CCDC24: variants seen among roughly 807,000 people sequenced by gnomAD.
CCDC24 encodes coiled-coil domain containing 24.
A neutral mutation model predicts 31.6 loss-of-function variants in CCDC24; 34 were observed. The ratio of observed to expected loss-of-function variants is 1.08; its 90% CI spans 0.82 to 1.43. CCDC24 has a LOEUF of 1.43. Among genes scored for constraint, CCDC24 ranks in the 40% most tolerant of loss-of-function variants. CCDC24 has a pLI of 0.00. For synonymous variants in CCDC24, 175 were observed against 157.3 expected (o/e 1.11, Z -0.84); for missense variants, 426 against 391.1 (o/e 1.09, Z -0.75).
Position 43,991,656 on chromosome 1 carries a change from A to G in CCDC24, c.-123A>G, listed in dbSNP as rs1208788268. 10 of 718,024 alleles carry G rather than the reference A, an allele frequency of 1.4e-5. No individual in the cohort carries two copies. The highest frequency in any genetic ancestry group is 2.0e-5 in the Admixed American group (1 of 50,002). 44.5% of individuals were successfully genotyped at this position (718,024 alleles called of 1,614,324 possible). On this transcript the variant is annotated 5_prime_UTR_variant, in exon 1 of 9. Coordinates refer to ENST00000372318, the MANE Select transcript of CCDC24 (RefSeq NM_152499.4). Reference sequence around the variant, plus strand: ...CTGGTTTCTGGGCCCCCGGCATCCGAGTCGGCCAAAAGCCGGGCAGAAGAG... The same window carrying G: ...CTGGTTTCTGGGCCCCCGGCATCCGGGTCGGCCAAAAGCCGGGCAGAAGAG...
At chr1:43,994,147 C>A in intron 5 of CCDC24, 183 bp downstream of exon 5, 1 of 605,026 alleles carries the variant, frequency 1.7e-6, no homozygotes, top group East Asian at 2.8e-5. Context: ...CAGGAAGCAG[C>A]CAAGTACAGA....
Position 43,991,971 on chromosome 1 carries a change from G to A in CCDC24, c.93G>A (p.Ala31=), listed in dbSNP as rs1353790596. The change falls in exon 2 of 9, where the codon GCG becomes GCA. Residue 31 remains alanine (A), a synonymous_variant. Coordinates refer to ENST00000372318, the MANE Select transcript of CCDC24 (RefSeq NM_152499.4). ...AAGTGAAGAGGATTCTGGGGGAGGCGGCGGTGGACCTGAGCCTGGAGCTGC... is the reference window on the plus strand; with the variant it reads ...AAGTGAAGAGGATTCTGGGGGAGGCAGCGGTGGACCTGAGCCTGGAGCTGC... ...RREVKRILGE[A]AVDLSLELRA... 3 of 1,525,744 alleles carry A rather than the reference G, an allele frequency of 2.0e-6. No homozygotes were observed. The highest frequency in any genetic ancestry group is 4.0e-5 in the Admixed American group (2 of 49,646). 94.5% of individuals were successfully genotyped at this position (1,525,744 alleles called of 1,614,324 possible).
Position 43,992,269 on chromosome 1 carries a change from C to T in CCDC24, c.184C>T (p.Arg62Cys), listed in dbSNP as rs748958822. The change falls in exon 3 of 9, where the codon CGC becomes TGC. Residue 62 changes from arginine to cysteine, a missense_variant. Coordinates refer to ENST00000372318, the MANE Select transcript of CCDC24 (RefSeq NM_152499.4). ...TCGATCCTCTCAAGCCCCCAGCTCCCGCCCCATCTCTGACCCCTCTTCTCT... is the reference window on the plus strand; with the variant it reads ...TCGATCCTCTCAAGCCCCCAGCTCCTGCCCCATCTCTGACCCCTCTTCTCT... ...EARSSQAPSS[R>C]PISDPSSLLA... 1 of 1,614,170 alleles carries T rather than the reference C, an allele frequency of 6.2e-7. No homozygotes were observed. The highest frequency in any genetic ancestry group is 1.7e-5 in the Admixed American group (1 of 60,018).
chr1:43,991,903 T>G lies in CCDC24; in HGVS notation c.25T>G (p.Trp9Gly). 6.4e-7 allele frequency: 1 copy of G among 1,551,584 alleles called. No individual in the cohort carries two copies. Among genetic ancestry groups the G allele is most frequent in the Non-Finnish European group, 8.7e-7 (1 of 1,147,080 alleles). Residue 9 changes from tryptophan to glycine, a missense_variant, in exon 2 of 9, where the codon TGG (tryptophan) becomes GGG (glycine). Coordinates refer to ENST00000372318, the MANE Select transcript of CCDC24 (RefSeq NM_152499.4). ...CATGCTCCGGCACTCCCCCTCGCTG[T>G]GGGAGCTGGTGGAGGAGCACGTTCC... MLRHSPSL[W>G]ELVEEHVPLR...
At chr1:43,994,006 A>T (rs374125462) in intron 5 of CCDC24, 42 bp downstream of exon 5, 6 of 1,555,264 alleles carry the variant, frequency 3.9e-6, no homozygotes, top group Non-Finnish European at 5.3e-6. Flanking sequence ...GCAGGGGTGG[A>T]GACAAGGATG....
rs150159801 is a variant in CCDC24 at position 43,994,375 on chromosome 1, G to T, written c.497+411G>T. 854 of 194,510 alleles carry T rather than the reference G, an allele frequency of 4.4e-3. 3 individuals are homozygous for T. Among genetic ancestry groups the T allele is most frequent in the African/African-American group, 0.018 (798 of 43,542 alleles). The allele number at this position is 194,510 out of a possible 1,614,324, so 12.0% of individuals were successfully genotyped here. On this transcript the variant is annotated intron_variant, in intron 5 of 8. Coordinates refer to ENST00000372318, the MANE Select transcript of CCDC24 (RefSeq NM_152499.4). ...GTGAGAAGGGATTGATTGAGCCCTG[G>T]AAGGTAAGGCTACAGTGAGTCATGA...
At position 43,995,898 on chromosome 1, in the gene CCDC24, A is replaced by G; in HGVS notation, c.702-40A>G. 6.2e-7 allele frequency: 1 copy of G among 1,612,896 alleles called. No homozygotes were observed. Among genetic ancestry groups the G allele is most frequent in the South Asian group, 1.1e-5 (1 of 91,068 alleles). On this transcript the variant is annotated intron_variant, in intron 8 of 8. Transcript: ENST00000372318. The surrounding 1 kb of genome is among the most constrained non-coding windows in gnomAD (Gnocchi z 4.3). ...GACACAGGGCAGGGTGGACTGAAGG[A>G]TCAGACCACCACCCCTCACAGTTAC...
At chr1:43,994,924 A>G (rs985714588) in intron 5 of CCDC24, 184 bp from the exon 6 acceptor site, 10 of 599,096 alleles carry the variant, frequency 1.7e-5, no homozygotes, top group Non-Finnish European at 3.0e-5. Flanking sequence ...CTGCCCAGAA[A>G]GAGCCTCACA....
At position 43,995,817 on chromosome 1, in the gene CCDC24, A is replaced by T; in HGVS notation, c.662A>T (p.Gln221Leu). 6.2e-7 allele frequency: 1 copy of T among 1,614,226 alleles called. No individual in the cohort carries two copies. The highest frequency in any genetic ancestry group is 8.5e-7 in the Non-Finnish European group (1 of 1,180,026). The part of the protein sequence containing the change: ...EQKKAMEQEL[Q>L]ASVGPSCVSP... ...AAGAAGGCCATGGAGCAGGAGCTGC[A>T]GGCATCTGTGGGGCCTTCTTGTGTC... The change falls in exon 8 of 9, where the codon CAG (glutamine) becomes CTG (leucine). Residue 221 changes from glutamine (Q) to leucine (L), a missense_variant. Physicochemically the swap from Gln to Leu is moderately radical, Grantham distance 113. Transcript: ENST00000372318. This position sits in a 1 kb window ranked among gnomAD's most constrained non-coding sequence, Gnocchi z 4.3.
chr1:43,996,047 C>T lies in CCDC24; in HGVS notation c.811C>T (p.Arg271Ter), dbSNP rs376940328. 7 of 1,614,168 alleles carry T rather than the reference C, an allele frequency of 4.3e-6. No homozygotes were observed. In the African/African-American group the frequency reaches 5.3e-5, roughly 12 times the overall value. The change falls in exon 9 of 9, where the codon CGA becomes TGA. Residue 271 changes from arginine to a stop codon, truncating the protein, a stop_gained. Transcript: ENST00000372318. LOFTEE classifies it low-confidence loss of function (END_TRUNC). Reference protein sequence around the residue: ...LPAPPLEPYLRPRGQSATHRW... With the variant: ...LPAPPLEPYL Reference sequence around the variant, plus strand: ...TGCACCTCCTCTGGAGCCCTACCTTCGACCTCGAGGCCAGTCGGCTACCCA... The same window carrying T: ...TGCACCTCCTCTGGAGCCCTACCTTTGACCTCGAGGCCAGTCGGCTACCCA...
At position 43,995,285 on chromosome 1, in the gene CCDC24, C is replaced by A; in HGVS notation, c.552+123C>A. 1 of 1,031,164 alleles carries A rather than the reference C, an allele frequency of 9.7e-7. No individual in the cohort carries two copies. The highest frequency in any genetic ancestry group is 1.4e-6 in the Non-Finnish European group (1 of 695,964). 63.9% of individuals were successfully genotyped at this position (1,031,164 alleles called of 1,614,324 possible). ...GTACAGGCTATGTGAGTCCTGCATC[C>A]ATTTCTCAGGGGTGCATGCTTGTGT... On this transcript the variant is annotated intron_variant, in intron 6 of 8. Transcript: ENST00000372318. The surrounding 1 kb of genome is among the most constrained non-coding windows in gnomAD (Gnocchi z 4.3).
chr1:43,994,422 G>GTTTCTTTC (rs36038358), intron 5 of CCDC24: 3,087 of 136,838 alleles, frequency 0.023, 131 homozygotes, highest in African/African-American at 0.079. Flanking sequence ...GCAAGACCCT[G>GTTTCTTTC]TTTCTTTCTT....
intron 4 of CCDC24, 81 bp from the exon 5 acceptor site, chr1:43,993,806 A>G: frequency 7.5e-7 from 1 of 1,327,882 alleles, no homozygotes; most frequent in South Asian, 1.2e-5. Context: ...GAGAAAAGAA[A>G]CAGTTGCCTA....
In CCDC24 at chr1:43,994,860, G is replaced by A. The variant is rs1350390574; in HGVS notation, c.498-248G>A. On this transcript the variant is annotated intron_variant, in intron 5 of 8. Transcript: ENST00000372318. The stretch of plus-strand genomic sequence containing the variant: ...GCAAGAAGAATCACAGTGCAGAAGT[G>A]TGGGAGAGAGAAGGATGCCTGCCAG... 1.4e-5 allele frequency: 8 copies of A among 581,890 alleles called. No homozygotes were observed. The Admixed American group carries it at 1.8e-4, about 13-fold the overall frequency. The allele number at this position is 581,890 out of a possible 1,614,324, so 36.0% of individuals were successfully genotyped here. A position where few individuals can be genotyped will look rare whatever the true frequency, so the allele number is the denominator to read the frequency against.
intron 4 of CCDC24, 43 bp from the exon 5 acceptor site, chr1:43,993,843 TG>T: frequency 6.3e-7 from 1 of 1,591,248 alleles, no homozygotes; most frequent in Non-Finnish European, 8.6e-7. Flanking sequence ...CCTGAAGGCC[TG>T]GGGTGAGCAA....
rs776646200 is a variant in CCDC24, at chr1:43,996,055, A to G, written c.819A>G (p.Arg273=). ...CTCTGGAGCCCTACCTTCGACCTCG[A>G]GGCCAGTCGGCTACCCACCGCTGGG... is the stretch of plus-strand genomic sequence containing the variant. The part of the protein sequence containing the change: ...APPLEPYLRP[R]GQSATHRWGR... The change falls in exon 9 of 9, where the codon CGA becomes CGG. Residue 273 remains arginine (R), a synonymous_variant. Coordinates refer to ENST00000372318, the MANE Select transcript of CCDC24 (RefSeq NM_152499.4). 3 of 1,613,832 alleles carry G rather than the reference A, an allele frequency of 1.9e-6. No individual in the cohort carries two copies. The African/African-American group carries it at 4.0e-5, about 22-fold the overall frequency.
intron 4 of CCDC24, 95 bp downstream of exon 4, chr1:43,992,734 G>T: frequency 8.8e-7 from 1 of 1,133,404 alleles, no homozygotes; most frequent in Non-Finnish European, 1.3e-6. Flanking sequence ...GGAGATTCCA[G>T]TCACGGGCTG....
chr1:43,992,834 C>A (rs533803573), intron 4 of CCDC24, among the ~76,000 whole-genome samples, 195 bp downstream of exon 4: 36 of 152,144 alleles, frequency 2.4e-4, no homozygotes, highest in Non-Finnish European at 4.6e-4. Context: ...TGGGGACAGG[C>A]AAAGCTTCCT....
At chr1:43,993,837 A>C in intron 4 of CCDC24, 50 bp from the exon 5 acceptor site, 1 of 1,567,502 alleles carries the variant, frequency 6.4e-7, no homozygotes, top group African/African-American at 1.3e-5. Context: ...TTGGGTCCTG[A>C]AGGCCTGGGG....
Sources: gnomAD v4.1 joint callset for allele counts (sites outside exome capture counted in the v4.1 genomes callset) on GRCh38, gnomAD v4.1.1 for gene constraint, Gnocchi (gnomAD v3.1) non-coding constraint, MANE v1.5 for transcripts, NCBI Gene and HGNC (gene_info 2026-07-23, HGNC 2026-07-21) for gene names.